The following NR2F1-AS1 variants were observed in gnomAD, a reference collection of about 807,000 sequenced individuals.
The protein encoded by NR2F1-AS1 is NR2F1 regulatory antisense RNA 1.
At chr5:93,541,549 T>C (rs1751950477) in intron 4 of NR2F1-AS1, among the ~76,000 whole-genome samples, 1 of 152,170 alleles carries the variant, frequency 6.6e-6, no homozygotes, top group Non-Finnish European at 1.5e-5. Flanking sequence ...TACTGCTTGG[T>C]TGGTATACCT....
chr5:93,497,696 T>C (rs1243008556), intron 4 of NR2F1-AS1, among the ~76,000 whole-genome samples: 1 of 152,196 alleles, frequency 6.6e-6, no homozygotes, highest in Admixed American at 6.5e-5. Context: ...TAAATATGCA[T>C]AAACCCAGGT....
chr5:93,579,224 G>A lies in NR2F1-AS1; in HGVS notation n.313+1243C>T, dbSNP rs1333359443. ...TGGCAAGGATGCCCCGTAGGAGTGC[G>A]AGCCGCTCCCCTCCTCCGAAAAGCC... is the stretch of plus-strand genomic sequence containing the variant. On this transcript the variant is annotated intron_variant and non_coding_transcript_variant, in intron 1 of 5. Transcript: ENST00000660523. This position sits in a 1 kb window ranked among gnomAD's most constrained non-coding sequence, Gnocchi z 5.1. Among the ~76,000 whole-genome samples the A allele has an allele frequency of 6.6e-6, 1 of 152,122 alleles. No individual in the cohort carries two copies. Among genetic ancestry groups the A allele is most frequent in the Non-Finnish European group, 1.5e-5 (1 of 68,014 alleles).
chr5:93,430,894 G>C (rs909809128), intron 4 of NR2F1-AS1, among the ~76,000 whole-genome samples: 7 of 115,078 alleles, frequency 6.1e-5, no homozygotes, highest in African/African-American at 1.8e-4. Flanking sequence ...TCATCATCAT[G>C]GTGAGTGTCC....
chr5:93,585,133 C>G (rs1366108078), upstream of NR2F1-AS1: 2 of 1,037,582 alleles, frequency 1.9e-6, no homozygotes, highest in South Asian at 4.4e-5. Context: ...GGCGGCGGCG[C>G]CGGCGAGCAG....
chr5:93,575,767 T>C (rs996131921), intron 1 of NR2F1-AS1, among the ~76,000 whole-genome samples: 2 of 152,074 alleles, frequency 1.3e-5, no homozygotes. Context: ...AGTGAGGGCA[T>C]GAAAAAGCTA....
chr5:93,569,777 C>A (rs1752702423), intron 1 of NR2F1-AS1: 1 of 152,234 alleles, frequency 6.6e-6, no homozygotes. Flanking sequence ...ATTGGCTGAG[C>A]TTAGGCCAGT....
At chr5:93,514,962 A>G (rs186213934) in intron 4 of NR2F1-AS1, among the ~76,000 whole-genome samples, 15 of 152,130 alleles carry the variant, frequency 9.9e-5, no homozygotes, top group Admixed American at 4.6e-4. Flanking sequence ...AATTTCAACA[A>G]AAGTAAAAAC....
intron 4 of NR2F1-AS1, among the ~76,000 whole-genome samples, chr5:93,541,431 T>C (rs1751947989): frequency 1.3e-5 from 2 of 152,198 alleles, no homozygotes; most frequent in Non-Finnish European, 1.5e-5. Context: ...ACCCTAATCC[T>C]GATAGCTGTG....
At chr5:93,431,936 A>G (rs1033743312) in intron 4 of NR2F1-AS1, among the ~76,000 whole-genome samples, 1 of 152,226 alleles carries the variant, frequency 6.6e-6, no homozygotes, top group Non-Finnish European at 1.5e-5. Flanking sequence ...CTTTGTTCCC[A>G]GAATGAGTAA....
chr5:93,492,939 C>T (rs1284108495), intron 4 of NR2F1-AS1, among the ~76,000 whole-genome samples: 2 of 151,834 alleles, frequency 1.3e-5, no homozygotes, highest in Non-Finnish European at 1.5e-5. Context: ...ACATTATGCT[C>T]AATGGTGAAA....
Position 93,453,716 on chromosome 5 carries a change from C to T in NR2F1-AS1, n.639-58174G>A, listed in dbSNP as rs549332016. 2.5e-3 allele frequency among the ~76,000 whole-genome samples: 373 copies of T among 151,726 alleles called. 1 individual carries two copies. Among genetic ancestry groups the T allele is most frequent in the Non-Finnish European group, 4.0e-3 (272 of 67,874 alleles). Reference sequence around the variant, plus strand: ...GAGTGACATCTTTAAAGTACTGAAACAAAAAACAAATAAAAAAACACACGT... The same window carrying T: ...GAGTGACATCTTTAAAGTACTGAAATAAAAAACAAATAAAAAAACACACGT... On this transcript the variant is annotated intron_variant and non_coding_transcript_variant, in intron 4 of 5. Transcript: ENST00000660523.
chr5:93,465,208 A>G (rs999263042), intron 4 of NR2F1-AS1, among the ~76,000 whole-genome samples: 7 of 152,218 alleles, frequency 4.6e-5, no homozygotes, highest in African/African-American at 7.2e-5. Context: ...GAATCTACAA[A>G]GAACTTAAAC....
At chr5:93,528,236 C>T in intron 4 of NR2F1-AS1, among the ~76,000 whole-genome samples, 1 of 151,946 alleles carries the variant, frequency 6.6e-6, no homozygotes, top group Admixed American at 6.6e-5. Context: ...TGCAGCCAAC[C>T]AACCTATGAA....
intron 4 of NR2F1-AS1, among the ~76,000 whole-genome samples, chr5:93,484,302 T>C (rs923491863): frequency 6.6e-6 from 1 of 152,188 alleles, no homozygotes; most frequent in African/African-American, 2.4e-5. Context: ...ATATTCAACA[T>C]TCTTAAAGAA....
intron 4 of NR2F1-AS1, among the ~76,000 whole-genome samples, chr5:93,508,833 AAAC>A (rs145351890): frequency 0.017 from 2,566 of 152,268 alleles, 76 homozygotes; most frequent in African/African-American, 0.058. Flanking sequence ...AATGAAAATA[AAAC>A]AACATTTCAC....
chr5:93,416,424 T>G (rs1016511538), intron 4 of NR2F1-AS1, among the ~76,000 whole-genome samples: 1 of 152,232 alleles, frequency 6.6e-6, no homozygotes, highest in Non-Finnish European at 1.5e-5. Context: ...AATTCTCATA[T>G]AGAACAGAGA....
intron 4 of NR2F1-AS1, among the ~76,000 whole-genome samples, chr5:93,513,721 T>C (rs865800551): frequency 6.6e-6 from 1 of 152,012 alleles, no homozygotes; most frequent in African/African-American, 2.4e-5. Flanking sequence ...CATTACCCGG[T>C]TGACAGGATC....
chr5:93,581,700 C>T (rs867874920), upstream of NR2F1-AS1, among the ~76,000 whole-genome samples: 2 of 63,508 alleles, frequency 3.1e-5, no homozygotes, highest in Admixed American at 1.3e-4. Context: ...CTCTCTCTCT[C>T]TCTCTCTCTC....
intron 2 of NR2F1-AS1, among the ~76,000 whole-genome samples, chr5:93,555,609 G>C (rs1752336896): frequency 6.6e-6 from 1 of 152,160 alleles, no homozygotes; most frequent in Admixed American, 6.6e-5. Flanking sequence ...TGAAAGATGG[G>C]AGGAAGAACA....
Sources: gnomAD v4.1 joint callset for allele counts (sites outside exome capture counted in the v4.1 genomes callset) on GRCh38, gnomAD v4.1.1 for gene constraint, Gnocchi (gnomAD v3.1) non-coding constraint, MANE v1.5 for transcripts, NCBI Gene and HGNC (gene_info 2026-07-23, HGNC 2026-07-21) for gene names.